The following ZNF263 variants were observed in gnomAD, a reference collection of about 807,000 sequenced individuals.
The protein encoded by ZNF263 is zinc finger protein FPM315.
Under a neutral mutation model 63.1 loss-of-function variants are expected in ZNF263, and 49 were observed. That is an observed-to-expected ratio of 0.78 (90% CI 0.62 to 0.99). ZNF263 has a LOEUF of 0.99. ZNF263 is among the 50% of genes least tolerant of loss of function. ZNF263 has a pLI of 0.00. For synonymous variants in ZNF263, 352 were observed against 324.2 expected (o/e 1.09, Z -0.92); for missense variants, 872 against 854.8 (o/e 1.02, Z -0.25).
intron 1 of ZNF263, among the ~76,000 whole-genome samples, chr16:3,297,526 G>A (rs1440213052): frequency 2.2e-5 from 3 of 137,572 alleles, no homozygotes; most frequent in Non-Finnish European, 3.1e-5. Flanking sequence ...GTGCAGTGGC[G>A]CGATCTCGGC....
intron 3 of ZNF263, 83 bp downstream of exon 3, chr16:3,285,837 C>G: frequency 6.5e-7 from 1 of 1,547,690 alleles, no homozygotes; most frequent in Non-Finnish European, 8.9e-7. Context: ...TGTGGAAGGT[C>G]CTTTGTCCCT....
downstream of ZNF263, among the ~76,000 whole-genome samples, chr16:3,292,643 C>T (rs940199327): frequency 6.6e-6 from 1 of 152,222 alleles, no homozygotes; most frequent in Non-Finnish European, 1.5e-5. Flanking sequence ...CATCTACTCT[C>T]CCTCCCTTGG....
Position 3,290,140 on chromosome 16 carries a change from T to TTA in ZNF263, c.1635_1636insAT (p.Tyr546IlefsTer11). ...GAAAGAACTCATGAGAGAGAGAGAC[T>TTA]TTACCCCTTCTCTGAGTGTGGGGAA... is the stretch of plus-strand genomic sequence containing the variant. On this transcript the variant is annotated frameshift_variant, in exon 6 of 6. Transcript: ENST00000219069. LOFTEE classifies it high-confidence loss of function. 1 of 1,613,864 alleles carries TTA rather than the reference T, an allele frequency of 6.2e-7. No homozygotes were observed. Among genetic ancestry groups the TTA allele is most frequent in the Non-Finnish European group, 8.5e-7 (1 of 1,179,968 alleles).
chr16:3,291,884 T>C (rs1959620904), downstream of ZNF263, among the ~76,000 whole-genome samples: 1 of 152,192 alleles, frequency 6.6e-6, no homozygotes. Flanking sequence ...AACTGAGTTA[T>C]TGATTATTAA....
intron 4 of ZNF263, 94 bp from the exon 5 acceptor site, chr16:3,288,360 G>T (rs997622193): frequency 2.3e-6 from 2 of 879,136 alleles, no homozygotes; most frequent in Non-Finnish European, 3.8e-6. Context: ...GGAGCATTCT[G>T]TATTTATCCA....
intron 2 of ZNF263, among the ~76,000 whole-genome samples, 156 bp downstream of exon 2, chr16:3,285,395 C>G (rs901590718): frequency 6.6e-6 from 1 of 152,188 alleles, no homozygotes; most frequent in Non-Finnish European, 1.5e-5. Flanking sequence ...GGTGTGGGTT[C>G]TCCTGGGGCT....
exon 2 of ZNF263, chr16:3,299,106 T>G: frequency 6.9e-7 from 1 of 1,451,144 alleles, no homozygotes; most frequent in Non-Finnish European, 9.1e-7. Flanking sequence ...TCTCTTTCAG[T>G]GTGAAGTGGA....
intron 2 of ZNF263, chr16:3,299,351 C>T: frequency 6.3e-7 from 1 of 1,589,736 alleles, no homozygotes; most frequent in Admixed American, 1.8e-5. Context: ...TCAAGAATTT[C>T]TCTATAATCC....
At chr16:3,292,882 A>C (rs143005160), downstream of ZNF263, 1,188 of 152,372 alleles carry the variant, frequency 7.8e-3, 6 homozygotes, top group Non-Finnish European at 0.013. Context: ...AACTACATAA[A>C]GCAGCACTAT....
chr16:3,286,271 C>T, intron 4 of ZNF263, 122 bp downstream of exon 4: 1 of 1,401,140 alleles, frequency 7.1e-7, no homozygotes. Context: ...AGGAGACTTC[C>T]CTTTGTCTAA....
intron 4 of ZNF263, chr16:3,286,997 C>G (rs1191888081): frequency 1.3e-5 from 2 of 152,156 alleles, no homozygotes; most frequent in Admixed American, 1.3e-4. Flanking sequence ...GGAGAATCAC[C>G]TGAGCCCAGT....
At position 3,285,111 on chromosome 16, in the gene ZNF263, T is replaced by C; in HGVS notation, c.440T>C (p.Leu147Pro). ...GTGCTTTTGGAGGAGCCTTTGCCTCTGGAAACAGCACGAGAGTCACCGAGC... is the reference window on the plus strand; with the variant it reads ...GTGCTTTTGGAGGAGCCTTTGCCTCCGGAAACAGCACGAGAGTCACCGAGC... The part of the protein sequence containing the change: ...TEVLLEEPLP[L>P]ETARESPSFK... Residue 147 changes from leucine (L) to proline (P), a missense_variant, in exon 2 of 6, where the codon CTG becomes CCG. Physicochemically the swap from Leu to Pro is moderately conservative, Grantham distance 98. Coordinates refer to ENST00000219069, the MANE Select transcript of ZNF263 (RefSeq NM_005741.5). 2 of 1,614,146 alleles carry C rather than the reference T, an allele frequency of 1.2e-6. No individual in the cohort carries two copies. The highest frequency in any genetic ancestry group is 2.2e-5 in the South Asian group (2 of 91,074).
chr16:3,285,073 G>A lies in ZNF263; in HGVS notation c.402G>A (p.Gly134=), dbSNP rs1959292937. 6.2e-7 allele frequency: 1 copy of A among 1,614,070 alleles called. No individual in the cohort carries two copies. The highest frequency in any genetic ancestry group is 1.1e-5 in the South Asian group (1 of 91,092). Reference sequence around the variant, plus strand: ...TTGGTTCCCAGGTCACAAACCATGGGCGGGGAACAGAAGTGCTTTTGGAGG... The same window carrying A: ...TTGGTTCCCAGGTCACAAACCATGGACGGGGAACAGAAGTGCTTTTGGAGG... The part of the protein sequence containing the change: ...GRLRQQVTNH[G]RGTEVLLEEP... The change falls in exon 2 of 6, where the codon GGG becomes GGA. Residue 134 remains glycine, a synonymous_variant. Coordinates refer to ENST00000219069, the MANE Select transcript of ZNF263 (RefSeq NM_005741.5).
downstream of ZNF263, among the ~76,000 whole-genome samples, chr16:3,294,739 G>GT (rs1156348338): frequency 6.6e-6 from 1 of 152,128 alleles, no homozygotes; most frequent in Non-Finnish European, 1.5e-5. Context: ...CCCAGTTAAT[G>GT]TTATTGCTCT....
Position 3,290,351 on chromosome 16 carries a change from A to G in ZNF263, c.1845A>G (p.Arg615=). 9 of 1,612,098 alleles carry G rather than the reference A, an allele frequency of 5.6e-6. No individual in the cohort carries two copies. Among genetic ancestry groups the G allele is most frequent in the Non-Finnish European group, 7.6e-6 (9 of 1,179,334 alleles). ...TTTGTGGGGAAAACTTCTCTCATAGATCCAATTTAATCAGGCACCAGAGAA... is the reference window on the plus strand; with the variant it reads ...TTTGTGGGGAAAACTTCTCTCATAGGTCCAATTTAATCAGGCACCAGAGAA... The part of the protein sequence containing the change: ...CTLCGENFSH[R]SNLIRHQRIH... The change falls in exon 6 of 6, where the codon AGA becomes AGG. Residue 615 remains arginine (R), a synonymous_variant. Coordinates refer to ENST00000219069, the MANE Select transcript of ZNF263 (RefSeq NM_005741.5).
At chr16:3,300,272 C>G (rs1959898797) in intron 2 of ZNF263, 1 of 1,614,062 alleles carries the variant, frequency 6.2e-7, no homozygotes. Context: ...TCTGTTCGCC[C>G]AAAACACCGT....
In ZNF263 at chr16:3,289,413, C is replaced by G. The variant is rs117066066; in HGVS notation, c.907C>G (p.Leu303Val). 2.9e-4 allele frequency: 441 copies of G among 1,512,194 alleles called. 3 individuals carry two copies. In the East Asian group the frequency reaches 9.2e-3, roughly 32 times the overall value. 93.7% of individuals were successfully genotyped at this position (1,512,194 alleles called of 1,614,324 possible). The change falls in exon 6 of 6, where the codon CTG becomes GTG. Residue 303 changes from leucine to valine, a missense_variant. Physicochemically the swap from Leu to Val is conservative, Grantham distance 32. Coordinates refer to ENST00000219069, the MANE Select transcript of ZNF263 (RefSeq NM_005741.5). ...PAPGEEKFENLEGVPSVCSEN... is the reference protein window; with the variant it reads ...PAPGEEKFENVEGVPSVCSEN... ...ACCAGGAGAAGAGAAATTTGAGAACCTGGAAGGTGTTCCGTCTGTATGCTC... is the reference window on the plus strand; with the variant it reads ...ACCAGGAGAAGAGAAATTTGAGAACGTGGAAGGTGTTCCGTCTGTATGCTC...
intron 4 of ZNF263, among the ~76,000 whole-genome samples, chr16:3,287,906 T>C (rs1469919287): frequency 6.6e-6 from 1 of 151,546 alleles, no homozygotes; most frequent in Non-Finnish European, 1.5e-5. Context: ...ATTACAGTAG[T>C]GTACATTCTC....
In ZNF263 at chr16:3,290,795, T is replaced by G. The variant is rs1360453724; in HGVS notation, c.*237T>G. On this transcript the variant is annotated 3_prime_UTR_variant, in exon 6 of 6. Coordinates refer to ENST00000219069, the MANE Select transcript of ZNF263 (RefSeq NM_005741.5). The stretch of plus-strand genomic sequence containing the variant: ...GGTGACCTCAGGGTGGAATTCTCTG[T>G]TAAGTCCACCCTGCCCCAGGGTGCT... 7.6e-7 allele frequency: 1 copy of G among 1,317,172 alleles called. No individual in the cohort carries two copies. The highest frequency in any genetic ancestry group is 9.7e-7 in the Non-Finnish European group (1 of 1,034,524). The allele number at this position is 1,317,172 out of a possible 1,614,324, so 81.6% of individuals were successfully genotyped here.
Sources: gnomAD v4.1 joint callset for allele counts (sites outside exome capture counted in the v4.1 genomes callset) on GRCh38, gnomAD v4.1.1 for gene constraint, MANE v1.5 for transcripts, NCBI Gene and HGNC (gene_info 2026-07-23, HGNC 2026-07-21) for gene names.